Variants in NCKAP5 observed in about 807,000 individuals in gnomAD.
The protein encoded by NCKAP5 is nck-associated protein 5.
Under a neutral mutation model 167.0 loss-of-function variants are expected in NCKAP5, and 92 were observed. The observed-to-expected ratio is 0.55, with a 90% CI of 0.47 to 0.66. NCKAP5 has a LOEUF of 0.66. Among genes scored for constraint, NCKAP5 ranks in the 30% least tolerant of loss-of-function variants. The probability of loss-of-function intolerance (pLI) is 0.00; values close to 1 mark genes in which losing one functional copy is unlikely to be tolerated. For synonymous variants in NCKAP5, 891 were observed against 877.4 expected (o/e 1.02, Z -0.27); for missense variants, 2,378 against 2,315.0 (o/e 1.03, Z -0.56).
chr2:133,408,903 G>C (rs1290475004), intron 3 of NCKAP5, among the ~76,000 whole-genome samples: 3 of 152,192 alleles, frequency 2.0e-5, no homozygotes, highest in Non-Finnish European at 4.4e-5. Context: ...CCATCCTGAA[G>C]CCTGGAGTCA....
chr2:132,690,108 T>A (rs1255201613), intron 19 of NCKAP5, among the ~76,000 whole-genome samples: 1 of 152,160 alleles, frequency 6.6e-6, no homozygotes, highest in East Asian at 1.9e-4. Context: ...TTTTATAACA[T>A]TGATGAGAAA....
At chr2:133,035,409 G>T (rs1213139785) in intron 6 of NCKAP5, among the ~76,000 whole-genome samples, 2 of 151,976 alleles carry the variant, frequency 1.3e-5, no homozygotes, top group African/African-American at 4.8e-5. Context: ...CAACCAGATA[G>T]ATCTAACAGA....
chr2:133,275,323 T>C (rs1008352790), intron 4 of NCKAP5, among the ~76,000 whole-genome samples: 1 of 152,026 alleles, frequency 6.6e-6, no homozygotes, highest in African/African-American at 2.4e-5. Flanking sequence ...GATATATTTA[T>C]TAAGTTGAAG....
rs77719337 is a variant in NCKAP5, at chr2:133,254,009, T to C, written c.144-40230A>G. 1.8e-3 allele frequency among the ~76,000 whole-genome samples: 273 copies of C among 152,262 alleles called. 1 individual carries two copies. Among genetic ancestry groups the C allele is most frequent in the African/African-American group, 6.3e-3 (261 of 41,550 alleles). ...TCTCTCACTGGCATTGACTCATTCATTGCTCCACTGCAAAAGCCTGGGAAA... is the reference window on the plus strand; with the variant it reads ...TCTCTCACTGGCATTGACTCATTCACTGCTCCACTGCAAAAGCCTGGGAAA... On this transcript the variant is annotated intron_variant, in intron 4 of 19. Transcript: ENST00000409261.
At chr2:133,663,037 C>T in the NCKAP5 span, among the ~76,000 whole-genome samples, 3 of 152,016 alleles carry the variant, frequency 2.0e-5, no homozygotes, top group East Asian at 3.9e-4. Flanking sequence ...GAGGCCGAGG[C>T]GGGTGGATCA....
intron 5 of NCKAP5, among the ~76,000 whole-genome samples, chr2:133,131,403 C>T (rs186622009): frequency 6.6e-6 from 1 of 152,268 alleles, no homozygotes; most frequent in African/African-American, 2.4e-5. Context: ...CCATCTTTAC[C>T]ACCCTTTAGG....
At chr2:132,781,829 C>A in intron 14 of NCKAP5, 111 bp downstream of exon 14, 1 of 974,226 alleles carries the variant, frequency 1.0e-6, no homozygotes, top group African/African-American at 1.6e-5. Context: ...TCATTTCTGC[C>A]TGTATGAAAA....
intron 8 of NCKAP5, among the ~76,000 whole-genome samples, chr2:132,943,572 T>G (rs1258458734): frequency 3.9e-5 from 6 of 152,234 alleles, no homozygotes; most frequent in Non-Finnish European, 7.3e-5. Context: ...GAATATTTTA[T>G]CAAAGGAGTT....
At chr2:133,021,705 C>G (rs755803114) in intron 6 of NCKAP5, among the ~76,000 whole-genome samples, 6 of 152,178 alleles carry the variant, frequency 3.9e-5, no homozygotes, top group Non-Finnish European at 5.9e-5. Context: ...AGTCTCAGTT[C>G]ACTACACCTC....
intron 19 of NCKAP5, among the ~76,000 whole-genome samples, chr2:132,707,222 A>G (rs1688446161): frequency 6.6e-6 from 1 of 152,214 alleles, no homozygotes; most frequent in African/African-American, 2.4e-5. Context: ...AAGTGCAGTG[A>G]CTGTGGGACT....
At chr2:133,055,468 A>C (rs2079763344) in intron 6 of NCKAP5, among the ~76,000 whole-genome samples, 1 of 7,528 alleles carries the variant, frequency 1.3e-4, no homozygotes, top group African/African-American at 6.8e-4. Context: ...AGTTTAGATA[A>C]ACTGTATATA....
At chr2:133,490,396 G>A (rs1164370427) in intron 3 of NCKAP5, among the ~76,000 whole-genome samples, 1 of 152,152 alleles carries the variant, frequency 6.6e-6, no homozygotes, top group Non-Finnish European at 1.5e-5. Context: ...TACCAACCCT[G>A]TTTTTAGATT....
At chr2:133,184,812 G>C (rs1454323179) in intron 5 of NCKAP5, among the ~76,000 whole-genome samples, 1 of 151,894 alleles carries the variant, frequency 6.6e-6, no homozygotes, top group Non-Finnish European at 1.5e-5. Context: ...TAAGGGGTTG[G>C]TTTGTATTTT....
chr2:132,709,545 C>G (rs1246606711), intron 19 of NCKAP5, among the ~76,000 whole-genome samples: 1 of 151,878 alleles, frequency 6.6e-6, no homozygotes, highest in Non-Finnish European at 1.5e-5. Flanking sequence ...TAAGCAAACC[C>G]AATCAGGTGG....
At chr2:132,747,567 T>TAGCTGTGTGC (rs1679757570) in intron 16 of NCKAP5, among the ~76,000 whole-genome samples, 1 of 152,112 alleles carries the variant, frequency 6.6e-6, no homozygotes, top group Non-Finnish European at 1.5e-5. Context: ...AGGGTGGGGA[T>TAGCTGTGTGC]CCCTGGTTTC....
chr2:133,272,617 A>G (rs2089562466), intron 4 of NCKAP5, among the ~76,000 whole-genome samples: 1 of 152,188 alleles, frequency 6.6e-6, no homozygotes, highest in Admixed American at 6.5e-5. Context: ...AAATTTACCC[A>G]AGTTGAATTT....
intron 3 of NCKAP5, among the ~76,000 whole-genome samples, chr2:133,338,693 G>A (rs935359040): frequency 2.0e-5 from 3 of 152,140 alleles, no homozygotes; most frequent in African/African-American, 4.8e-5. Context: ...AATGTGCTAT[G>A]ACATATATGC....
intron 4 of NCKAP5, among the ~76,000 whole-genome samples, chr2:133,221,119 G>T (rs530995491): frequency 3.3e-5 from 5 of 151,470 alleles, no homozygotes; most frequent in Non-Finnish European, 5.9e-5. Context: ...TGATGAACAT[G>T]CAGGATGATC....
At chr2:133,276,138 C>A (rs1441003585) in intron 4 of NCKAP5, among the ~76,000 whole-genome samples, 6 of 152,044 alleles carry the variant, frequency 3.9e-5, no homozygotes. Flanking sequence ...GAAACATTTT[C>A]TCTTCCTTAT....
Sources: allele counts gnomAD v4.1 joint callset (sites outside exome capture counted in the v4.1 genomes callset), GRCh38; gene constraint gnomAD v4.1.1; transcripts MANE v1.5; gene names NCBI Gene and HGNC (gene_info 2026-07-23, HGNC 2026-07-21).